NUP153: variants seen among roughly 807,000 people sequenced by gnomAD.
The protein encoded by NUP153 is nucleoporin 153.
A neutral mutation model predicts 134.6 loss-of-function variants in NUP153; 27 were observed. That is an observed-to-expected ratio of 0.20 (90% CI 0.15 to 0.28). The LOEUF (loss-of-function observed/expected upper bound fraction) is 0.28, where lower values mean the gene tolerates loss of function less well. NUP153 is among the 10% of genes least tolerant of loss of function. The probability of loss-of-function intolerance (pLI) is 1.00; values close to 1 mark genes in which losing one functional copy is unlikely to be tolerated. For synonymous variants in NUP153, 640 were observed against 623.5 expected (o/e 1.03, Z -0.40); for missense variants, 1,821 against 1,731.3 (o/e 1.05, Z -0.92).
intron 11 of NUP153, among the ~76,000 whole-genome samples, chr6:17,661,042 C>T (rs1252440082): frequency 1.3e-5 from 2 of 151,996 alleles, no homozygotes; most frequent in African/African-American, 4.8e-5. Context: ...AGGCAGGGCA[C>T]GGTGGCTCTC....
chr6:17,648,561 G>C (rs921007173), intron 12 of NUP153, among the ~76,000 whole-genome samples: 1 of 152,152 alleles, frequency 6.6e-6, no homozygotes, highest in Non-Finnish European at 1.5e-5. Context: ...AGGTTGCAGT[G>C]AGCCAAGATC....
At chr6:17,678,837 C>T (rs1231505437) in intron 2 of NUP153, among the ~76,000 whole-genome samples, 1 of 151,234 alleles carries the variant, frequency 6.6e-6, no homozygotes, top group Non-Finnish European at 1.5e-5. Flanking sequence ...CCCAGCTACT[C>T]AAGGAGGCTG....
rs770977863 is a variant in NUP153, at chr6:17,688,628, G to GA, written c.112-11dup. The GA allele has an allele frequency of 8.9e-6, 14 of 1,580,556 alleles. No individual in the cohort carries two copies. The highest frequency in any genetic ancestry group is 1.7e-5 in the Admixed American group (1 of 57,496). ...CCCTGCTAAGAATGCCCTGTTGAGA[G>GA]AAAAAACATATTATGACAGTTTTAG... On this transcript the variant is annotated splice_polypyrimidine_tract_variant and intron_variant, in intron 1 of 21. Coordinates refer to ENST00000262077, the MANE Select transcript of NUP153 (RefSeq NM_005124.4).
At chr6:17,696,544 A>T (rs1769655961) in intron 1 of NUP153, among the ~76,000 whole-genome samples, 2 of 152,134 alleles carry the variant, frequency 1.3e-5, no homozygotes, top group Non-Finnish European at 2.9e-5. Flanking sequence ...TCACAAGGTC[A>T]GGAGATCGAG....
chr6:17,645,918 A>G (rs1403922733), intron 14 of NUP153, 149 bp downstream of exon 14: 1 of 407,552 alleles, frequency 2.5e-6, no homozygotes, highest in African/African-American at 2.1e-5. Flanking sequence ...ACCGTCAAAA[A>G]GGTTAAATAA....
Position 17,685,635 on chromosome 6 carries a change from T to C in NUP153, c.334+2761A>G, listed in dbSNP as rs544638777. On this transcript the variant is annotated intron_variant, in intron 2 of 21. Transcript: ENST00000262077. ...AAATCTGTATTCCCTAGTGACATCA[T>C]AGCCATCCTAAGGCCTTAGTGCAAT... 1.1e-4 allele frequency among the ~76,000 whole-genome samples: 16 copies of C among 152,078 alleles called. No individual in the cohort carries two copies. In the South Asian group the frequency reaches 2.1e-3, roughly 20 times the overall value.
chr6:17,665,113 T>A (rs943978676), intron 9 of NUP153, 126 bp downstream of exon 9: 12 of 460,008 alleles, frequency 2.6e-5, no homozygotes, highest in Admixed American at 1.3e-4. Flanking sequence ...TTCATAATCA[T>A]CACTAATTCA....
At chr6:17,655,667 T>C (rs1448772129) in intron 11 of NUP153, among the ~76,000 whole-genome samples, 1 of 151,462 alleles carries the variant, frequency 6.6e-6, no homozygotes, top group Admixed American at 6.6e-5. Context: ...TTGGCCAGGC[T>C]GGTCTCGAGC....
At chr6:17,636,200 T>C (rs181278554) in intron 16 of NUP153, among the ~76,000 whole-genome samples, 5 of 152,202 alleles carry the variant, frequency 3.3e-5, no homozygotes, top group African/African-American at 7.2e-5. Context: ...TTGGGTGTGG[T>C]GGCATGCACC....
At chr6:17,617,663 C>T (rs1764404074) in intron 20 of NUP153, among the ~76,000 whole-genome samples, 1 of 151,682 alleles carries the variant, frequency 6.6e-6, no homozygotes. Context: ...GGCAACATGG[C>T]GAGATCCTAT....
chr6:17,695,804 T>C (rs563586640), intron 1 of NUP153, among the ~76,000 whole-genome samples: 1 of 152,244 alleles, frequency 6.6e-6, no homozygotes, highest in Non-Finnish European at 1.5e-5. Context: ...GGTCAGGAGA[T>C]CGAGACCATC....
intron 8 of NUP153, 71 bp from the exon 9 acceptor site, chr6:17,665,456 A>G: frequency 8.1e-7 from 1 of 1,228,040 alleles, no homozygotes; most frequent in East Asian, 2.4e-5. Context: ...AATTTTGACA[A>G]TAGCTAACAT....
In NUP153 at chr6:17,706,858, C is replaced by T. The variant is rs1276492032; in HGVS notation, c.-471G>A. The T allele has an allele frequency of 5.9e-6, 1 of 169,930 alleles. No individual in the cohort carries two copies. The highest frequency in any genetic ancestry group is 1.3e-5 in the Non-Finnish European group (1 of 78,460). The allele number at this position is 169,930 out of a possible 1,614,324, so 10.5% of individuals were successfully genotyped here. A position where few individuals can be genotyped will look rare whatever the true frequency, so the allele number is the denominator to read the frequency against. ...CCCGCCGCCGTCGTCGTCGTCGTCC[C>T]TGCAGCCTCCGCCGCCGTTGCGCCT... On this transcript the variant is annotated 5_prime_UTR_variant, in exon 1 of 22. Coordinates refer to ENST00000262077, the MANE Select transcript of NUP153 (RefSeq NM_005124.4). The surrounding 1 kb of genome is among the most constrained non-coding windows in gnomAD (Gnocchi z 5.9).
rs529667600 is a variant in NUP153, at chr6:17,686,800, G to C, written c.334+1596C>G. Among the ~76,000 whole-genome samples the C allele has an allele frequency of 2.6e-5, 4 of 151,294 alleles. No individual in the cohort carries two copies. In the South Asian group the frequency reaches 8.4e-4, roughly 32 times the overall value. On this transcript the variant is annotated intron_variant, in intron 2 of 21. Transcript: ENST00000262077. ...ACATCAGGTGAGTTGGGGGTAGGAA[G>C]GTAGGGAAATAGGCGTGCGAATAGA...
At chr6:17,691,540 G>A (rs1769274150) in intron 1 of NUP153, among the ~76,000 whole-genome samples, 1 of 152,254 alleles carries the variant, frequency 6.6e-6, no homozygotes, top group Admixed American at 6.5e-5. Context: ...CGAGTCTGGT[G>A]GATCACTTGA....
At chr6:17,623,646 T>C (rs1235714572) in intron 20 of NUP153, among the ~76,000 whole-genome samples, 1 of 152,148 alleles carries the variant, frequency 6.6e-6, no homozygotes, top group Non-Finnish European at 1.5e-5. Flanking sequence ...ATGTCAACAG[T>C]AAATAAACTG....
chr6:17,641,545 AAAACAAACAAAC>A (rs371438976), intron 14 of NUP153, among the ~76,000 whole-genome samples: 1 of 151,720 alleles, frequency 6.6e-6, no homozygotes, highest in Non-Finnish European at 1.5e-5. Flanking sequence ...AAAACAAAAC[AAAACAAACAAAC>A]AAACAAACAA....
intron 20 of NUP153, among the ~76,000 whole-genome samples, chr6:17,618,364 T>C (rs771393007): frequency 1.8e-4 from 28 of 151,964 alleles, no homozygotes; most frequent in Non-Finnish European, 3.5e-4. Context: ...ACAAAAATAA[T>C]AAAAGCAATT....
intron 1 of NUP153, among the ~76,000 whole-genome samples, chr6:17,695,545 G>GA (rs1245496768): frequency 1.3e-5 from 2 of 152,058 alleles, no homozygotes; most frequent in Non-Finnish European, 2.9e-5. Flanking sequence ...TATCAACTCT[G>GA]AAAAATCAAT....
Sources: allele counts gnomAD v4.1 joint callset (sites outside exome capture counted in the v4.1 genomes callset), GRCh38; gene constraint gnomAD v4.1.1; non-coding constraint Gnocchi (gnomAD v3.1); transcripts MANE v1.5; gene names NCBI Gene and HGNC (gene_info 2026-07-23, HGNC 2026-07-21).